Variants in NR5A2 observed in about 807,000 individuals in gnomAD.
NR5A2 encodes the protein nuclear receptor subfamily 5 group A member 2.
In NR5A2, 26 loss-of-function variants were observed where a neutral mutation model predicts 62.7. The ratio of observed to expected loss-of-function variants is 0.41; its 90% CI spans 0.30 to 0.58. NR5A2 has a LOEUF of 0.58. Among genes scored for constraint, NR5A2 ranks in the 20% least tolerant of loss-of-function variants. The pLI, the probability that NR5A2 is intolerant of heterozygous loss-of-function variation, is 0.22. For synonymous variants in NR5A2, 246 were observed against 241.7 expected, an observed-to-expected ratio of 1.02 and a Z score of -0.16; for missense variants, 541 against 669.1, an observed-to-expected ratio of 0.81 and a Z score of 2.11.
At chr1:200,050,736 C>T (rs1267134828) in intron 5 of NR5A2, among the ~76,000 whole-genome samples, 1 of 151,994 alleles carries the variant, frequency 6.6e-6, no homozygotes, top group Admixed American at 6.6e-5. Flanking sequence ...ACTAAAAATA[C>T]AAAAAATTAG....
intron 1 of NR5A2, among the ~76,000 whole-genome samples, chr1:200,032,343 C>G (rs1661577842): frequency 6.6e-6 from 1 of 152,172 alleles, no homozygotes; most frequent in Non-Finnish European, 1.5e-5. Flanking sequence ...ACCAGGCAAG[C>G]TGATAAAGGT....
chr1:200,156,643 C>T (rs994590984), intron 7 of NR5A2, among the ~76,000 whole-genome samples: 31 of 152,086 alleles, frequency 2.0e-4, no homozygotes, highest in Non-Finnish European at 3.8e-4. Flanking sequence ...GTGATCCACC[C>T]GCCTCGGCCT....
chr1:200,065,161 T>A (rs1663409603), intron 5 of NR5A2, among the ~76,000 whole-genome samples: 1 of 152,064 alleles, frequency 6.6e-6, no homozygotes, highest in South Asian at 2.1e-4. Context: ...TTTTTTATTG[T>A]TTTGAGACAG....
At chr1:200,032,916 G>A (rs1477532937) in intron 1 of NR5A2, among the ~76,000 whole-genome samples, 1 of 152,108 alleles carries the variant, frequency 6.6e-6, no homozygotes, top group Non-Finnish European at 1.5e-5. Context: ...ATACAATGTT[G>A]GTCTATGCAG....
intron 5 of NR5A2, among the ~76,000 whole-genome samples, chr1:200,056,959 T>C (rs1026711463): frequency 2.0e-5 from 3 of 152,210 alleles, no homozygotes; most frequent in Non-Finnish European, 4.4e-5. Context: ...CTGTTCGATA[T>C]AGTCTGGTTT....
chr1:200,027,963 T>C, intron 1 of NR5A2, 52 bp downstream of exon 1: 3 of 1,248,692 alleles, frequency 2.4e-6, no homozygotes, highest in South Asian at 1.5e-5. Flanking sequence ...ACTACATACA[T>C]ATAATTTAAT....
At chr1:200,063,814 CATCAAACATTT>C (rs1363640484) in intron 5 of NR5A2, among the ~76,000 whole-genome samples, 1 of 152,210 alleles carries the variant, frequency 6.6e-6, no homozygotes, top group Non-Finnish European at 1.5e-5. Context: ...CTCACACATT[CATCAAACATTT>C]ATCAAGTTTG....
At chr1:200,108,221 G>A (rs1174630807) in intron 5 of NR5A2, among the ~76,000 whole-genome samples, 1 of 151,884 alleles carries the variant, frequency 6.6e-6, no homozygotes, top group African/African-American at 2.4e-5. Flanking sequence ...AGCCTCCGGA[G>A]TAGCAGGTGT....
At chr1:200,155,438 G>T (rs1354498140) in intron 7 of NR5A2, among the ~76,000 whole-genome samples, 2 of 152,160 alleles carry the variant, frequency 1.3e-5, no homozygotes, top group African/African-American at 4.8e-5. Context: ...GGCCTTTCAA[G>T]AATTGGTTTT....
At chr1:200,049,129 ACATTT>A (rs774532847) in intron 5 of NR5A2, among the ~76,000 whole-genome samples, 7 of 152,130 alleles carry the variant, frequency 4.6e-5, no homozygotes, top group Non-Finnish European at 1.0e-4. Context: ...GTGGCTTAAA[ACATTT>A]CAAGTCAATG....
At chr1:200,145,360 A>AT (rs201669447) in intron 7 of NR5A2, among the ~76,000 whole-genome samples, 2,587 of 149,558 alleles carry the variant, frequency 0.017, 64 homozygotes, top group African/African-American at 0.057. Context: ...AGTAATGGCA[A>AT]TTTTTTTTTT....
At chr1:200,029,270 C>T (rs1387124192) in intron 1 of NR5A2, 1 of 184,714 alleles carries the variant, frequency 5.4e-6, no homozygotes, top group Non-Finnish European at 1.1e-5. Flanking sequence ...CGGTCTTGGG[C>T]TCCTGCTGCG....
intron 5 of NR5A2, among the ~76,000 whole-genome samples, chr1:200,093,000 C>G (rs1664892738): frequency 6.6e-6 from 1 of 151,310 alleles, no homozygotes; most frequent in South Asian, 2.1e-4. Flanking sequence ...TCTCCTGCCT[C>G]AGCCTCCTGA....
chr1:200,117,767 G>A (rs576776226), intron 6 of NR5A2, among the ~76,000 whole-genome samples: 1 of 151,714 alleles, frequency 6.6e-6, no homozygotes, highest in African/African-American at 2.4e-5. Flanking sequence ...AGGCTGGAGT[G>A]CAATGGCGCA....
At chr1:200,148,454 G>T (rs749398517) in intron 7 of NR5A2, among the ~76,000 whole-genome samples, 1 of 152,158 alleles carries the variant, frequency 6.6e-6, no homozygotes, top group African/African-American at 2.4e-5. Flanking sequence ...GCCCCAGGCA[G>T]CCCCCTCCTG....
chr1:200,142,819 AT>A (rs932421380), intron 7 of NR5A2, among the ~76,000 whole-genome samples: 4 of 151,856 alleles, frequency 2.6e-5, no homozygotes, highest in African/African-American at 4.8e-5. Context: ...ATTTATTAAG[AT>A]TTTTTTCTTC....
At chr1:200,030,352 C>T (rs1284224715) in intron 1 of NR5A2, among the ~76,000 whole-genome samples, 2 of 152,196 alleles carry the variant, frequency 1.3e-5, no homozygotes, top group African/African-American at 2.4e-5. Flanking sequence ...CTGATGGTTA[C>T]ATGAAAGTTT....
At chr1:200,172,542 C>G (rs1231968850) in intron 7 of NR5A2, among the ~76,000 whole-genome samples, 3 of 152,184 alleles carry the variant, frequency 2.0e-5, no homozygotes, top group Non-Finnish European at 4.4e-5. Flanking sequence ...CACTACATAA[C>G]TATTTCAGTA....
chr1:200,065,677 G>A (rs531293776), intron 5 of NR5A2, among the ~76,000 whole-genome samples: 1 of 152,234 alleles, frequency 6.6e-6, no homozygotes, highest in Non-Finnish European at 1.5e-5. Flanking sequence ...CATTAATTAA[G>A]TATCCAGTAT....
Sources: gnomAD v4.1 joint callset for allele counts (sites outside exome capture counted in the v4.1 genomes callset) on GRCh38, gnomAD v4.1.1 for gene constraint, MANE v1.5 for transcripts, NCBI Gene and HGNC (gene_info 2026-07-23, HGNC 2026-07-21) for gene names.